The following SLC16A12 variants were observed in gnomAD, a reference collection of about 807,000 sequenced individuals.
SLC16A12 encodes the protein monocarboxylate transporter 12.
Under a neutral mutation model 42.4 loss-of-function variants are expected in SLC16A12, and 17 were observed. The ratio of observed to expected loss-of-function variants is 0.40; its 90% CI spans 0.27 to 0.60. The LOEUF is 0.60. Ranked by LOEUF, SLC16A12 falls within the 20% of genes least tolerant of loss-of-function variation. The pLI is 0.42. For synonymous variants in SLC16A12, 224 were observed against 229.4 expected, an observed-to-expected ratio of 0.98 and a Z score of 0.21; for missense variants, 544 against 623.0, an observed-to-expected ratio of 0.87 and a Z score of 1.35.
intron 2 of SLC16A12, among the ~76,000 whole-genome samples, chr10:89,503,088 G>A (rs1405974360): frequency 6.6e-6 from 1 of 152,146 alleles, no homozygotes; most frequent in Non-Finnish European, 1.5e-5. Context: ...CAAGTCACTA[G>A]AAACAATAGG....
At chr10:89,518,209 T>C (rs763865701) in intron 2 of SLC16A12, among the ~76,000 whole-genome samples, 36 of 152,160 alleles carry the variant, frequency 2.4e-4, no homozygotes, top group Non-Finnish European at 4.0e-4. Context: ...GCTTGGGAAG[T>C]CAGAACAGTG....
At chr10:89,521,091 A>G (rs1320999330) in intron 2 of SLC16A12, among the ~76,000 whole-genome samples, 1 of 152,212 alleles carries the variant, frequency 6.6e-6, no homozygotes, top group Admixed American at 6.5e-5. Context: ...ATGGAAGGTG[A>G]TATCTGTCCA....
At chr10:89,540,572 G>A (rs1843709129), upstream of SLC16A12, among the ~76,000 whole-genome samples, 1 of 152,134 alleles carries the variant, frequency 6.6e-6, no homozygotes, top group African/African-American at 2.4e-5. Context: ...TGCGTTTCCA[G>A]TTCTGACCTC....
intron 2 of SLC16A12, among the ~76,000 whole-genome samples, chr10:89,509,983 C>T (rs1843138145): frequency 6.6e-6 from 1 of 152,178 alleles, no homozygotes; most frequent in Non-Finnish European, 1.5e-5. Context: ...AACTCCCATT[C>T]ACAATTGCTA....
At chr10:89,435,980 T>C (rs1016570391) in intron 7 of SLC16A12, 80 bp downstream of exon 7, 9 of 1,584,756 alleles carry the variant, frequency 5.7e-6, no homozygotes, top group East Asian at 2.2e-5. Context: ...GTCCTTCTCA[T>C]TGACTGCATG....
intron 7 of SLC16A12, among the ~76,000 whole-genome samples, chr10:89,434,814 T>A (rs1367764363): frequency 6.6e-6 from 1 of 152,200 alleles, no homozygotes; most frequent in Non-Finnish European, 1.5e-5. Flanking sequence ...CGCATGAGCA[T>A]CACAACAAAG....
chr10:89,461,519 A>G (rs1331956120), intron 3 of SLC16A12, among the ~76,000 whole-genome samples: 2 of 152,202 alleles, frequency 1.3e-5, no homozygotes, highest in African/African-American at 4.8e-5. Flanking sequence ...TGTAAACTTT[A>G]TAATCATACT....
At chr10:89,505,395 C>A (rs11185735) in intron 2 of SLC16A12, among the ~76,000 whole-genome samples, 2,003 of 152,052 alleles carry the variant, frequency 0.013, 24 homozygotes, top group Middle Eastern at 0.037. Context: ...TGCACTCCAA[C>A]CTGGGTGACA....
At chr10:89,462,871 T>C (rs1842326125) in intron 2 of SLC16A12, 2 of 335,596 alleles carry the variant, frequency 6.0e-6, no homozygotes, top group South Asian at 4.6e-5. Flanking sequence ...CCCTAGCCTC[T>C]CTTGAAGGTA....
intron 2 of SLC16A12, among the ~76,000 whole-genome samples, chr10:89,525,067 A>C (rs1589726639): frequency 6.6e-6 from 1 of 152,120 alleles, no homozygotes; most frequent in Admixed American, 6.5e-5. Flanking sequence ...AAATACAAAA[A>C]AAAATTCCCT....
rs72816752 is a variant in SLC16A12, at chr10:89,531,734, G to A, written c.-47+2767C>T. On this transcript the variant is annotated intron_variant, in intron 2 of 7. Transcript: ENST00000371790. Reference sequence around the variant, plus strand: ...TGGTTCCCAAGAGGAAGTTCTCTACGTGTCTTCAAAAAGAGGCAAGGATGT... The same window carrying A: ...TGGTTCCCAAGAGGAAGTTCTCTACATGTCTTCAAAAAGAGGCAAGGATGT... Among the ~76,000 whole-genome samples the A allele has an allele frequency of 6.6e-3, 1,008 of 152,254 alleles. 3 individuals are homozygous for A. The highest frequency in any genetic ancestry group is 0.011 in the Non-Finnish European group (739 of 68,022).
At chr10:89,522,324 G>A (rs1441862880) in intron 2 of SLC16A12, among the ~76,000 whole-genome samples, 2 of 152,060 alleles carry the variant, frequency 1.3e-5, no homozygotes, top group African/African-American at 2.4e-5. Context: ...TTGCTGCTCC[G>A]CTTTCCCCCA....
intron 2 of SLC16A12, among the ~76,000 whole-genome samples, chr10:89,499,485 T>C (rs303187): frequency 0.54 from 82,420 of 151,878 alleles, 22,943 homozygotes; most frequent in African/African-American, 0.63. Flanking sequence ...ACCTGGGAGG[T>C]GGAGGTTACG....
chr10:89,442,152 G>A (rs941375513), intron 4 of SLC16A12, among the ~76,000 whole-genome samples: 2 of 152,162 alleles, frequency 1.3e-5, no homozygotes, highest in Non-Finnish European at 2.9e-5. Flanking sequence ...GATCATTTTT[G>A]TATTGATCAG....
intron 2 of SLC16A12, chr10:89,467,921 GCCC>G (rs1461011817): frequency 1.3e-5 from 2 of 152,116 alleles, no homozygotes; most frequent in Non-Finnish European, 2.9e-5. Context: ...TAGGCAACAA[GCCC>G]CTGGCAAAAT....
rs545724149 is a variant in SLC16A12 at position 89,464,607 on chromosome 10, C to T, written c.-46-1983G>A. Among the ~76,000 whole-genome samples, 55 of 152,268 alleles carry T rather than the reference C, an allele frequency of 3.6e-4. No homozygotes were observed. The South Asian group carries it at 7.3e-3, about 20-fold the overall frequency. ...TTTGATGAACAAAGACTATGTACCA[C>T]CTGGTAAATTATGGGCAAAATAAAT... On this transcript the variant is annotated intron_variant, in intron 2 of 7. Coordinates refer to ENST00000371790, the MANE Select transcript of SLC16A12 (RefSeq NM_213606.4).
rs754622310 is a variant in SLC16A12 at position 89,436,293 on chromosome 10, C to A, written c.1055G>T (p.Cys352Phe). The part of the protein sequence containing the change: ...RRCLKNYQYV[C>F]YLFAVGMDGL... Reference sequence around the variant, plus strand: ...ATCCATTCCCACGGCAAAGAGGTAGCAAACATACTGGTAATTCTTCAGACA... The same window carrying A: ...ATCCATTCCCACGGCAAAGAGGTAGAAAACATACTGGTAATTCTTCAGACA... The change falls in exon 7 of 8, where the codon TGC becomes TTC. Residue 352 changes from cysteine (C) to phenylalanine (F), a missense_variant. Coordinates refer to ENST00000371790, the MANE Select transcript of SLC16A12 (RefSeq NM_213606.4). 3 of 1,614,070 alleles carry A rather than the reference C, an allele frequency of 1.9e-6. No homozygotes were observed. The highest frequency in any genetic ancestry group is 2.5e-6 in the Non-Finnish European group (3 of 1,179,960).
rs1564585989 is a variant in SLC16A12, at chr10:89,486,664, A to AAAGAAAGAAAGG, written c.-46-24041_-46-24040insCCTTTCTTTCTT. On this transcript the variant is annotated intron_variant, in intron 2 of 7. Transcript: ENST00000371790. ...GAAAGAAAGAAAGAAAGAAAGAAAG[A>AAAGAAAGAAAGG]AAAGAAAGAAAGAAAGAAAAGAAAG... 3.4e-3 allele frequency among the ~76,000 whole-genome samples: 321 copies of AAAGAAAGAAAGG among 94,088 alleles called. 8 individuals are homozygous for AAAGAAAGAAAGG. The highest frequency in any genetic ancestry group is 3.9e-3 in the Non-Finnish European group (177 of 45,252). The allele number at this position is 94,088 out of a possible 152,430, so 61.7% of individuals were successfully genotyped here.
At chr10:89,526,213 T>C (rs1843449554) in intron 2 of SLC16A12, among the ~76,000 whole-genome samples, 1 of 152,102 alleles carries the variant, frequency 6.6e-6, no homozygotes, top group Non-Finnish European at 1.5e-5. Flanking sequence ...ATTATAAAAT[T>C]AAAATATGAA....
Sources: gnomAD v4.1 joint callset for allele counts (sites outside exome capture counted in the v4.1 genomes callset) on GRCh38, gnomAD v4.1.1 for gene constraint, MANE v1.5 for transcripts, NCBI Gene and HGNC (gene_info 2026-07-23, HGNC 2026-07-21) for gene names.